The following TRPC4 variants were observed in gnomAD, a reference collection of about 807,000 sequenced individuals.
TRPC4 encodes the protein transient receptor potential cation channel subfamily C member 4, also known as short transient receptor potential channel 4.
TRPC4 carries 49 observed loss-of-function variants against 99.4 expected under a neutral mutation model. That is an observed-to-expected ratio of 0.49 (90% CI 0.39 to 0.63). The LOEUF (loss-of-function observed/expected upper bound fraction) is 0.63, where lower values mean the gene tolerates loss of function less well. Ranked by LOEUF, TRPC4 falls within the 20% of genes least tolerant of loss-of-function variation. The probability of loss-of-function intolerance (pLI) is 0.00; values close to 1 mark genes in which losing one functional copy is unlikely to be tolerated. For synonymous variants in TRPC4, 454 were observed against 425.9 expected (o/e 1.07, Z -0.81); for missense variants, 898 against 1,152.9 (o/e 0.78, Z 3.20).
intron 6 of TRPC4, among the ~76,000 whole-genome samples, chr13:37,657,201 G>A (rs1036857028): frequency 2.6e-5 from 4 of 152,216 alleles, no homozygotes; most frequent in Non-Finnish European, 1.5e-5. Context: ...TTGTGAAGGA[G>A]AAAGGGCACT....
intron 3 of TRPC4, among the ~76,000 whole-genome samples, chr13:37,712,449 G>A (rs1305066301): frequency 2.0e-5 from 3 of 152,194 alleles, no homozygotes; most frequent in African/African-American, 7.2e-5. Flanking sequence ...CCTAGGCAAT[G>A]ATACCTAGTC....
chr13:37,783,220 A>G lies in TRPC4; in HGVS notation c.114T>C (p.Asn38=), dbSNP rs767063584. The change falls in exon 2 of 11, where the codon AAT becomes AAC. Residue 38 remains asparagine, a synonymous_variant. Coordinates refer to ENST00000379705, the MANE Select transcript of TRPC4 (RefSeq NM_016179.4). ...ELSPSEKAYL[N]AVEKGDYASV... Reference sequence around the variant, plus strand: ...TGGCATAATCTCCCTTTTCCACAGCATTCAAGTAGGCTTTTTCTGATGGCG... The same window carrying G: ...TGGCATAATCTCCCTTTTCCACAGCGTTCAAGTAGGCTTTTTCTGATGGCG... 5 of 1,613,672 alleles carry G rather than the reference A, an allele frequency of 3.1e-6. No individual in the cohort carries two copies. The highest frequency in any genetic ancestry group is 4.2e-6 in the Non-Finnish European group (5 of 1,179,766).
chr13:37,656,062 GT>G (rs1295334647), intron 6 of TRPC4, among the ~76,000 whole-genome samples: 1 of 151,952 alleles, frequency 6.6e-6, no homozygotes, highest in Non-Finnish European at 1.5e-5. Context: ...TGGGTTTTTG[GT>G]TTTTTTGGTA....
chr13:37,741,242 T>C (rs1354016071), intron 3 of TRPC4, among the ~76,000 whole-genome samples: 1 of 152,184 alleles, frequency 6.6e-6, no homozygotes, highest in Non-Finnish European at 1.5e-5. Context: ...AAGCTTCCAA[T>C]TCACATTTAG....
chr13:37,789,497 T>C (rs1204781872), intron 1 of TRPC4, among the ~76,000 whole-genome samples: 1 of 152,174 alleles, frequency 6.6e-6, no homozygotes, highest in African/African-American at 2.4e-5. Flanking sequence ...AAGTAAACAG[T>C]TCTGCATCAG....
Position 37,701,369 on chromosome 13 carries a change from T to C in TRPC4, c.898-9034A>G, listed in dbSNP as rs144921956. On this transcript the variant is annotated intron_variant, in intron 3 of 10. Coordinates refer to ENST00000379705, the MANE Select transcript of TRPC4 (RefSeq NM_016179.4). ...TCCCCGGCTGCACCATCTCTCCAGC[T>C]CCTCTGCCATCTCTCTCATCTAGGT... Among the ~76,000 whole-genome samples, 13 of 152,276 alleles carry C rather than the reference T, an allele frequency of 8.5e-5. No individual in the cohort carries two copies. In the East Asian group the frequency reaches 2.1e-3, roughly 25 times the overall value.
intron 3 of TRPC4, among the ~76,000 whole-genome samples, chr13:37,710,424 GTTGT>G (rs1954443873): frequency 6.6e-6 from 1 of 151,812 alleles, no homozygotes; most frequent in Non-Finnish European, 1.5e-5. Flanking sequence ...TTTAAAAAGA[GTTGT>G]TTATTTAAAT....
At chr13:37,743,393 T>C (rs1955647770) in intron 3 of TRPC4, among the ~76,000 whole-genome samples, 1 of 152,160 alleles carries the variant, frequency 6.6e-6, no homozygotes, top group African/African-American at 2.4e-5. Flanking sequence ...ATACTGAAGA[T>C]GGGATTAGAG....
chr13:37,680,007 A>C (rs1480598964), intron 4 of TRPC4, among the ~76,000 whole-genome samples: 3 of 152,212 alleles, frequency 2.0e-5, no homozygotes, highest in Non-Finnish European at 4.4e-5. Flanking sequence ...GAGAAAACTA[A>C]GGCCCAAAGA....
chr13:37,736,393 T>G (rs1452679992), intron 3 of TRPC4, among the ~76,000 whole-genome samples: 1 of 152,304 alleles, frequency 6.6e-6, no homozygotes, highest in Admixed American at 6.5e-5. Context: ...TTCTGCCTTA[T>G]ATCTTTTTTC....
intron 8 of TRPC4, among the ~76,000 whole-genome samples, 166 bp from the exon 9 acceptor site, chr13:37,639,465 TG>T (rs1258349793): frequency 6.6e-6 from 1 of 152,094 alleles, no homozygotes; most frequent in Non-Finnish European, 1.5e-5. Flanking sequence ...ATCAAAAGAA[TG>T]AGTGAACAAG....
intron 1 of TRPC4, among the ~76,000 whole-genome samples, chr13:37,841,235 A>G (rs1958722278): frequency 6.6e-6 from 1 of 152,140 alleles, no homozygotes; most frequent in Non-Finnish European, 1.5e-5. Context: ...TAGTCTAGGG[A>G]TAAGCTAATA....
intron 2 of TRPC4, among the ~76,000 whole-genome samples, chr13:37,748,124 C>A (rs1176742755): frequency 6.6e-6 from 1 of 152,074 alleles, no homozygotes; most frequent in Non-Finnish European, 1.5e-5. Context: ...TGTATTATTT[C>A]TGGAATTTTC....
At chr13:37,852,789 C>G (rs549239155) in intron 1 of TRPC4, among the ~76,000 whole-genome samples, 1 of 152,250 alleles carries the variant, frequency 6.6e-6, no homozygotes, top group South Asian at 2.1e-4. Context: ...CTGAAGAACT[C>G]TTGGGCATTA....
At chr13:37,765,975 AT>A (rs67988882) in intron 2 of TRPC4, among the ~76,000 whole-genome samples, 1 of 150,672 alleles carries the variant, frequency 6.6e-6, no homozygotes, top group Non-Finnish European at 1.5e-5. Context: ...AAGATGAATC[AT>A]TTTTTTTCCA....
intron 1 of TRPC4, among the ~76,000 whole-genome samples, chr13:37,797,804 A>G (rs1957297945): frequency 6.6e-6 from 1 of 152,196 alleles, no homozygotes; most frequent in Non-Finnish European, 1.5e-5. Flanking sequence ...TTTTTGGGCA[A>G]AGGAATTTTG....
chr13:37,750,794 C>A (rs1178049454), intron 2 of TRPC4, among the ~76,000 whole-genome samples: 2 of 151,992 alleles, frequency 1.3e-5, no homozygotes, highest in Non-Finnish European at 2.9e-5. Context: ...GCTATCCCTC[C>A]CCTAGCCCCC....
intron 1 of TRPC4, among the ~76,000 whole-genome samples, chr13:37,820,578 G>A (rs1324038334): frequency 2.0e-5 from 3 of 151,956 alleles, no homozygotes; most frequent in Non-Finnish European, 2.9e-5. Context: ...ACATAAAAAC[G>A]TAAATCCAAA....
intron 8 of TRPC4, among the ~76,000 whole-genome samples, chr13:37,644,403 A>AT (rs1219027078): frequency 2.0e-5 from 3 of 152,170 alleles, no homozygotes; most frequent in African/African-American, 7.2e-5. Flanking sequence ...TGGGTATTTA[A>AT]TTTTCTTTCA....
Sources: allele counts gnomAD v4.1 joint callset (sites outside exome capture counted in the v4.1 genomes callset), GRCh38; gene constraint gnomAD v4.1.1; transcripts MANE v1.5; gene names NCBI Gene and HGNC (gene_info 2026-07-23, HGNC 2026-07-21).